RBFOX1: variants seen among roughly 807,000 people sequenced by gnomAD.
The protein encoded by RBFOX1 is RNA binding fox-1 homolog 1.
RBFOX1 carries 8 observed loss-of-function variants against 57.7 expected under a neutral mutation model. That is an observed-to-expected ratio of 0.14 (90% CI 0.08 to 0.25). The LOEUF (loss-of-function observed/expected upper bound fraction) is 0.25, where lower values mean the gene tolerates loss of function less well. Ranked by LOEUF, RBFOX1 falls within the 10% of genes least tolerant of loss-of-function variation. RBFOX1 has a pLI of 1.00. For missense variants in RBFOX1, 611 were observed against 548.5 expected (o/e 1.11, Z -1.14); for synonymous variants, 326 against 222.4 (o/e 1.47, Z -4.15).
chr16:6,410,886 A>G (rs991056622), intron 2 of RBFOX1, among the ~76,000 whole-genome samples: 2 of 152,184 alleles, frequency 1.3e-5, no homozygotes, highest in African/African-American at 4.8e-5. Flanking sequence ...CAGGTTTCTC[A>G]GCGCACAGTT....
chr16:7,386,296 CATAGCT>C, intron 4 of RBFOX1, among the ~76,000 whole-genome samples: 2 of 152,228 alleles, frequency 1.3e-5, no homozygotes, highest in Non-Finnish European at 2.9e-5. Flanking sequence ...AGGTTTGTTA[CATAGCT>C]ATACATGTGC....
chr16:5,728,922 T>G (rs1161175321), intron 3 of RBFOX1, among the ~76,000 whole-genome samples: 2 of 152,158 alleles, frequency 1.3e-5, no homozygotes, highest in Non-Finnish European at 2.9e-5. Context: ...CAATATCACC[T>G]CTCAACCTCA....
intron 4 of RBFOX1, among the ~76,000 whole-genome samples, chr16:5,997,506 G>A (rs933060425): frequency 3.0e-4 from 46 of 152,142 alleles, no homozygotes; most frequent in Non-Finnish European, 5.7e-4. Flanking sequence ...AGATAATGTG[G>A]CACACACCTG....
chr16:7,508,956 G>T (rs1200718875), intron 4 of RBFOX1, among the ~76,000 whole-genome samples: 1 of 152,188 alleles, frequency 6.6e-6, no homozygotes, highest in Non-Finnish European at 1.5e-5. Context: ...AAGCAAGAAA[G>T]ACATGAGCAA....
chr16:6,483,417 G>C (rs982260711), intron 2 of RBFOX1: 7 of 1,535,322 alleles, frequency 4.6e-6, no homozygotes, highest in Non-Finnish European at 6.1e-6. Flanking sequence ...TTGCTAGCAC[G>C]TGGGTGCCGT....
chr16:7,307,489 CTTTG>C (rs2096217688), intron 4 of RBFOX1, among the ~76,000 whole-genome samples: 1 of 152,194 alleles, frequency 6.6e-6, no homozygotes, highest in South Asian at 2.1e-4. Context: ...GAAGAAGCAA[CTTTG>C]ATGTTTACAT....
chr16:5,982,847 A>G (rs1024428506), intron 4 of RBFOX1, among the ~76,000 whole-genome samples: 6 of 152,204 alleles, frequency 3.9e-5, no homozygotes, highest in Non-Finnish European at 7.3e-5. Context: ...TGTGTTCACT[A>G]TTATATCTGT....
chr16:6,929,634 C>T (rs964791581), intron 3 of RBFOX1, among the ~76,000 whole-genome samples: 6 of 152,100 alleles, frequency 3.9e-5, no homozygotes, highest in Non-Finnish European at 8.8e-5. Context: ...CAATTTTTCT[C>T]ACCTTTAGGG....
chr16:5,389,915 C>G (rs1596801787), intron 1 of RBFOX1, among the ~76,000 whole-genome samples: 1 of 152,048 alleles, frequency 6.6e-6, no homozygotes, highest in Non-Finnish European at 1.5e-5. Flanking sequence ...CCAGGCTGGT[C>G]TTGAACTCCT....
chr16:6,850,167 A>G lies in RBFOX1; in HGVS notation c.-16+195517A>G, dbSNP rs147748407. Among the ~76,000 whole-genome samples, 885 of 152,254 alleles carry G rather than the reference A, an allele frequency of 5.8e-3. 16 individuals are homozygous for G. The highest frequency in any genetic ancestry group is 0.02 in the African/African-American group (849 of 41,526). On this transcript the variant is annotated intron_variant, in intron 3 of 15. Coordinates refer to ENST00000550418, the MANE Select transcript of RBFOX1 (RefSeq NM_018723.4). ...ACCCTAGGGTTCCTTTCCCTTTATC[A>G]TTTAGTCCTTCATTCAGTGAATTCA...
chr16:6,638,273 C>T (rs2098460704), intron 2 of RBFOX1, among the ~76,000 whole-genome samples: 1 of 152,136 alleles, frequency 6.6e-6, no homozygotes, highest in Non-Finnish European at 1.5e-5. Context: ...TTTTAAGGTA[C>T]ATTTTTCCTA....
At chr16:5,565,579 C>T (rs967566508) in intron 2 of RBFOX1, among the ~76,000 whole-genome samples, 2 of 151,798 alleles carry the variant, frequency 1.3e-5, no homozygotes, top group Admixed American at 6.6e-5. Context: ...GAGCTGAGAT[C>T]GTGCCACTGT....
chr16:5,906,830 G>A (rs139245448), intron 4 of RBFOX1, among the ~76,000 whole-genome samples: 1,607 of 147,902 alleles, frequency 0.011, 12 homozygotes, highest in Middle Eastern at 0.026. Flanking sequence ...CACCTCTCGG[G>A]GTCAAGCAAT....
At chr16:6,403,063 T>G (rs2093139659) in intron 2 of RBFOX1, among the ~76,000 whole-genome samples, 1 of 151,956 alleles carries the variant, frequency 6.6e-6, no homozygotes, top group Non-Finnish European at 1.5e-5. Flanking sequence ...GCTGAGAGAG[T>G]CGATTGTGTT....
In RBFOX1 at chr16:6,945,618, C is replaced by T. The variant is rs548000709; in HGVS notation, c.-15-106439C>T. The stretch of plus-strand genomic sequence containing the variant: ...AGAATCCGCTGGTGCTGGCTAGGCT[C>T]GGTGGCTCACGCCTGTAATCCCAGC... On this transcript the variant is annotated intron_variant, in intron 3 of 15. Coordinates refer to ENST00000550418, the MANE Select transcript of RBFOX1 (RefSeq NM_018723.4). 2.8e-3 allele frequency among the ~76,000 whole-genome samples: 425 copies of T among 152,138 alleles called. 2 individuals carry two copies. The highest frequency in any genetic ancestry group is 9.8e-3 in the African/African-American group (408 of 41,522).
chr16:5,431,141 G>A (rs1025518861), intron 1 of RBFOX1, among the ~76,000 whole-genome samples: 11 of 152,328 alleles, frequency 7.2e-5, no homozygotes, highest in East Asian at 3.9e-4. Context: ...CCCTGAGTGT[G>A]ACAGCTACTG....
chr16:6,110,992 C>T (rs1333844860), intron 1 of RBFOX1, among the ~76,000 whole-genome samples: 1 of 151,998 alleles, frequency 6.6e-6, no homozygotes, highest in Admixed American at 6.6e-5. Context: ...ATGATAGGTA[C>T]CAGCATATTT....
At chr16:5,604,272 A>C (rs779161829), downstream of RBFOX1, among the ~76,000 whole-genome samples, 4 of 152,190 alleles carry the variant, frequency 2.6e-5, no homozygotes, top group Non-Finnish European at 4.4e-5. Context: ...TATTGCTTCG[A>C]TTGGTCATAG....
At chr16:7,700,946 C>T (rs3785194) in intron 14 of RBFOX1, among the ~76,000 whole-genome samples, 37,870 of 151,876 alleles carry the variant, frequency 0.25, 5,030 homozygotes, top group East Asian at 0.47. Context: ...GATTTGTGTA[C>T]GTATTATGTA....
Sources: gnomAD v4.1 joint callset for allele counts (sites outside exome capture counted in the v4.1 genomes callset) on GRCh38, gnomAD v4.1.1 for gene constraint, MANE v1.5 for transcripts, NCBI Gene and HGNC (gene_info 2026-07-23, HGNC 2026-07-21) for gene names.